Variants in ANK2 observed in about 807,000 individuals in gnomAD.
ANK2 encodes the protein ankyrin 2, also known as ankyrin-2.
In ANK2, 83 loss-of-function variants were observed where a neutral mutation model predicts 360.5. The observed-to-expected ratio is 0.23, with a 90% CI of 0.19 to 0.28. The LOEUF is 0.28. Ranked by LOEUF, ANK2 falls within the 10% of genes least tolerant of loss-of-function variation. The pLI, the probability that ANK2 is intolerant of heterozygous loss-of-function variation, is 1.00. For synonymous variants in ANK2, 1,740 were observed against 1,759.5 expected (o/e 0.99, Z 0.28); for missense variants, 4,201 against 4,795.7 (o/e 0.88, Z 3.66).
intron 2 of ANK2, among the ~76,000 whole-genome samples, chr4:113,016,275 A>G (rs2056586071): frequency 1.3e-5 from 2 of 152,268 alleles, no homozygotes; most frequent in East Asian, 1.9e-4. Flanking sequence ...TTAGAGAGGT[A>G]TATACCTCAT....
At chr4:112,936,942 C>T (rs1377083164) in intron 2 of ANK2, among the ~76,000 whole-genome samples, 1 of 152,070 alleles carries the variant, frequency 6.6e-6, no homozygotes, top group East Asian at 1.9e-4. Flanking sequence ...CATGCACCAT[C>T]GTGCCTGGCT....
At chr4:113,077,886 G>A (rs953663792) in intron 1 of ANK2, among the ~76,000 whole-genome samples, 2 of 152,190 alleles carry the variant, frequency 1.3e-5, no homozygotes, top group African/African-American at 4.8e-5. Flanking sequence ...ATAAAAAGCA[G>A]ACACCACCCA....
intron 1 of ANK2, chr4:112,826,444 C>A: frequency 9.5e-7 from 1 of 1,053,876 alleles, no homozygotes; most frequent in Non-Finnish European, 1.4e-6. Context: ...GAAGAATCTT[C>A]AGGTGCAGCT....
At chr4:112,914,079 A>G (rs2088798288) in intron 2 of ANK2, among the ~76,000 whole-genome samples, 1 of 152,132 alleles carries the variant, frequency 6.6e-6, no homozygotes, top group Non-Finnish European at 1.5e-5. Flanking sequence ...TGAAAGTGGA[A>G]ACTGGGGCTT....
At chr4:112,754,122 T>G in the ANK2 span, among the ~76,000 whole-genome samples, 1 of 46,682 alleles carries the variant, frequency 2.1e-5, no homozygotes, top group South Asian at 6.1e-4. Context: ...TATATATATA[T>G]ATATATATAT....
chr4:113,344,805 A>T (rs1394300420), intron 34 of ANK2, among the ~76,000 whole-genome samples: 1 of 152,242 alleles, frequency 6.6e-6, no homozygotes, highest in Admixed American at 6.5e-5. Context: ...TACCTAGGGT[A>T]GTCAAATTCA....
chr4:112,812,956 T>C, the ANK2 span, among the ~76,000 whole-genome samples: 3 of 152,086 alleles, frequency 2.0e-5, no homozygotes, highest in Non-Finnish European at 4.4e-5. Context: ...AATCTGGTCA[T>C]CGGCTGGGCG....
intron 2 of ANK2, among the ~76,000 whole-genome samples, chr4:113,016,401 A>G (rs2056631797): frequency 6.6e-6 from 1 of 152,164 alleles, no homozygotes; most frequent in African/African-American, 2.4e-5. Flanking sequence ...TATGTGCCAA[A>G]TACTGATGCA....
intron 1 of ANK2, among the ~76,000 whole-genome samples, chr4:113,142,770 T>A (rs1362386073): frequency 1.3e-5 from 2 of 152,016 alleles, no homozygotes; most frequent in Non-Finnish European, 2.9e-5. Flanking sequence ...AACTAGTTAT[T>A]TAGGGAAAGT....
chr4:113,125,216 TC>T (rs2095592663), intron 1 of ANK2, among the ~76,000 whole-genome samples: 1 of 145,660 alleles, frequency 6.9e-6, no homozygotes, highest in African/African-American at 2.5e-5. Flanking sequence ...TGATGGTTTT[TC>T]CAAAAGTCTA....
chr4:113,235,898 C>A (rs532055214), intron 5 of ANK2, among the ~76,000 whole-genome samples: 7 of 151,948 alleles, frequency 4.6e-5, no homozygotes, highest in African/African-American at 1.7e-4. Flanking sequence ...CCTGCCACCA[C>A]GCCCGGCTAA....
intron 1 of ANK2, among the ~76,000 whole-genome samples, chr4:112,898,940 A>G (rs2082500622): frequency 1.3e-5 from 2 of 152,160 alleles, no homozygotes; most frequent in South Asian, 2.1e-4. Context: ...GTCAGTTCAG[A>G]TATTTCATTC....
At chr4:113,218,541 G>A (rs914755408) in intron 4 of ANK2, among the ~76,000 whole-genome samples, 7 of 151,932 alleles carry the variant, frequency 4.6e-5, no homozygotes, top group African/African-American at 1.7e-4. Flanking sequence ...TATCTCAGGC[G>A]ATAAAAAGTG....
upstream of ANK2, among the ~76,000 whole-genome samples, chr4:113,044,678 G>A (rs900035560): frequency 5.3e-5 from 8 of 152,050 alleles, no homozygotes; most frequent in African/African-American, 1.9e-4. Context: ...GCAATCATTG[G>A]CATCCCTTGC....
At chr4:113,077,605 A>G (rs1268517502) in intron 1 of ANK2, among the ~76,000 whole-genome samples, 1 of 152,234 alleles carries the variant, frequency 6.6e-6, no homozygotes, top group East Asian at 1.9e-4. Flanking sequence ...GTTAGATCCA[A>G]TTAGTAAAGG....
At chr4:112,714,250 T>G in the ANK2 span, among the ~76,000 whole-genome samples, 4 of 152,210 alleles carry the variant, frequency 2.6e-5, no homozygotes, top group Non-Finnish European at 4.4e-5. Context: ...TGGTGGGATC[T>G]TGGCCCACTG....
chr4:113,196,184 C>G (rs1442182718), intron 2 of ANK2, among the ~76,000 whole-genome samples, 184 bp from the exon 3 acceptor site: 1 of 152,130 alleles, frequency 6.6e-6, no homozygotes, highest in Non-Finnish European at 1.5e-5. Flanking sequence ...CTTATTGCCT[C>G]TCTGAATCAA....
chr4:112,970,341 T>TTAAC lies in ANK2; in HGVS notation c.21+65831_21+65834dup, dbSNP rs562031191. On this transcript the variant is annotated intron_variant, in intron 2 of 30. Coordinates refer to the ANK2 transcript ENST00000503271. ...ACATGCTCATATATGTAATTTCATT[T>TTAAC]TAACTAATTAATTAATTAATTAATT... is the stretch of plus-strand genomic sequence containing the variant. Among the ~76,000 whole-genome samples, 885 of 152,078 alleles carry TTAAC rather than the reference T, an allele frequency of 5.8e-3. 3 individuals are homozygous for TTAAC. The highest frequency in any genetic ancestry group is 0.051 in the Middle Eastern group (15 of 294).
chr4:112,770,709 CTCA>C, the ANK2 span, among the ~76,000 whole-genome samples: 17,799 of 119,248 alleles, frequency 0.15, 1,832 homozygotes, highest in African/African-American at 0.36. Context: ...CTCTCTCTCT[CTCA>C]AAAAAAAAAA....
Sources: allele counts gnomAD v4.1 joint callset (sites outside exome capture counted in the v4.1 genomes callset), GRCh38; gene constraint gnomAD v4.1.1; transcripts MANE v1.5; gene names NCBI Gene and HGNC (gene_info 2026-07-23, HGNC 2026-07-21).